ICA1: variants seen among roughly 807,000 people sequenced by gnomAD.
The protein encoded by ICA1 is 69 kDa islet cell autoantigen.
A neutral mutation model predicts 71.0 loss-of-function variants in ICA1; 40 were observed. That is an observed-to-expected ratio of 0.56 (90% CI 0.44 to 0.73). The LOEUF is 0.73. ICA1 is among the 30% of genes least tolerant of loss of function. The pLI is 0.00. For synonymous variants in ICA1, 207 were observed against 209.5 expected (o/e 0.99, Z 0.10); for missense variants, 578 against 576.5 (o/e 1.00, Z -0.03).
chr7:8,116,279 A>C (rs1448425163), intron 13 of ICA1: 1 of 152,232 alleles, frequency 6.6e-6, no homozygotes, highest in African/African-American at 2.4e-5. Flanking sequence ...TGTCTTTGGT[A>C]CTGGCCATGG....
chr7:8,153,963 T>C (rs557290816), intron 8 of ICA1, among the ~76,000 whole-genome samples: 135 of 151,654 alleles, frequency 8.9e-4, no homozygotes, highest in Non-Finnish European at 1.5e-3. Context: ...TTCTCTGCCT[T>C]AAACTTGAGC....
At chr7:8,118,996 A>C (rs11505356) in intron 13 of ICA1, among the ~76,000 whole-genome samples, 2,370 of 152,304 alleles carry the variant, frequency 0.016, 56 homozygotes, top group African/African-American at 0.052. Context: ...TGTAAGTAAA[A>C]GTTTGGGAAG....
chr7:8,204,516 G>A (rs1043380968), intron 6 of ICA1, among the ~76,000 whole-genome samples: 6 of 152,200 alleles, frequency 3.9e-5, no homozygotes, highest in African/African-American at 1.4e-4. Context: ...TCTGCATTAT[G>A]TACATATTTA....
rs1232297918 is a variant in ICA1, at chr7:8,141,773, C to T, written c.947G>A (p.Ser316Asn). ...EEENQRKESS[S>N]FKTEDGKSIL... is the part of the protein sequence containing the mutation. ...TAAAAATCAAAACTTACTCTTAAAA[C>T]TAGAGGATTCCTTGCGCTGGTTTTC... The change falls in exon 10 of 14, where the codon AGT becomes AAT. Residue 316 changes from serine to asparagine, a missense_variant. Coordinates refer to ENST00000402384, the MANE Select transcript of ICA1 (RefSeq NM_001136020.3). 2 of 1,559,698 alleles carry T rather than the reference C, an allele frequency of 1.3e-6. No homozygotes were observed. The highest frequency in any genetic ancestry group is 2.2e-5 in the East Asian group (1 of 44,462).
chr7:8,256,147 T>C (rs1810074509), intron 1 of ICA1, among the ~76,000 whole-genome samples: 1 of 152,218 alleles, frequency 6.6e-6, no homozygotes, highest in Non-Finnish European at 1.5e-5. Context: ...ATGCATCTTA[T>C]CTTTTCTATC....
At chr7:8,152,791 T>TCAC (rs1799764641) in intron 8 of ICA1, among the ~76,000 whole-genome samples, 1 of 23,328 alleles carries the variant, frequency 4.3e-5, no homozygotes, top group Admixed American at 4.8e-4. Context: ...ACCATCACCA[T>TCAC]CACCTCCACC....
chr7:8,170,484 T>C (rs549657343), intron 6 of ICA1, among the ~76,000 whole-genome samples: 2 of 152,014 alleles, frequency 1.3e-5, no homozygotes, highest in Admixed American at 6.6e-5. Context: ...TCTCCATTTA[T>C]TGGATTTTTA....
chr7:8,146,399 C>A (rs544904367), intron 8 of ICA1, among the ~76,000 whole-genome samples: 1 of 152,086 alleles, frequency 6.6e-6, no homozygotes, highest in South Asian at 2.1e-4. Flanking sequence ...CTGGAGCTGC[C>A]GTATAGTTGG....
Position 8,152,788 on chromosome 7 carries a change from CCATCACCTCCACCACCACCACCACCAT to C in ICA1, c.804+4301_804+4327del, listed in dbSNP as rs1328334433. On this transcript the variant is annotated intron_variant, in intron 8 of 13. Transcript: ENST00000402384. ...ACTACCCCCACCACTATCACCATCA[CCATCACCTCCACCACCACCACCACCAT>C]CTCCTTCAACACCACTACCCCCACC... 8.0e-5 allele frequency among the ~76,000 whole-genome samples: 7 copies of C among 87,548 alleles called. No homozygotes were observed. The East Asian group carries it at 1.3e-3, about 16-fold the overall frequency. 57.4% of individuals were successfully genotyped at this position (87,548 alleles called of 152,430 possible). A position where few individuals can be genotyped will look rare whatever the true frequency, so the allele number is the denominator to read the frequency against.
chr7:8,219,173 C>T (rs1796285623), intron 5 of ICA1, among the ~76,000 whole-genome samples: 1 of 152,114 alleles, frequency 6.6e-6, no homozygotes, highest in African/African-American at 2.4e-5. Flanking sequence ...ATAACATATG[C>T]CCTTTACCCA....
intron 1 of ICA1, among the ~76,000 whole-genome samples, chr7:8,243,838 T>G (rs1422592706): frequency 6.6e-6 from 1 of 152,010 alleles, no homozygotes; most frequent in Non-Finnish European, 1.5e-5. Context: ...GAGAATAAAA[T>G]ACCCAGGAAT....
intron 8 of ICA1, among the ~76,000 whole-genome samples, chr7:8,153,316 C>G (rs1367221157): frequency 6.6e-6 from 1 of 152,168 alleles, no homozygotes; most frequent in Non-Finnish European, 1.5e-5. Flanking sequence ...CTCTGATCTC[C>G]TTAAAAATAC....
At chr7:8,128,657 C>G (rs1790262520) in intron 12 of ICA1, among the ~76,000 whole-genome samples, 1 of 151,948 alleles carries the variant, frequency 6.6e-6, no homozygotes, top group African/African-American at 2.4e-5. Context: ...CAGAGCTCAA[C>G]AATGCCCAAG....
chr7:8,164,133 C>T (rs1396718601), intron 6 of ICA1, among the ~76,000 whole-genome samples: 3 of 151,502 alleles, frequency 2.0e-5, no homozygotes, highest in East Asian at 1.9e-4. Context: ...GGTGAAACCC[C>T]GTCTCTACTA....
At chr7:8,208,093 C>T (rs905663485) in intron 6 of ICA1, among the ~76,000 whole-genome samples, 7 of 152,118 alleles carry the variant, frequency 4.6e-5, no homozygotes, top group Non-Finnish European at 8.8e-5. Context: ...GACAAACTAA[C>T]ACAGAACACA....
At chr7:8,137,134 G>C (rs111636979) in intron 12 of ICA1, among the ~76,000 whole-genome samples, 7 of 151,912 alleles carry the variant, frequency 4.6e-5, no homozygotes, top group Non-Finnish European at 8.8e-5. Flanking sequence ...AGATACACTG[G>C]GGGATGGAAG....
At chr7:8,175,938 G>A (rs551893903) in intron 6 of ICA1, among the ~76,000 whole-genome samples, 3 of 152,256 alleles carry the variant, frequency 2.0e-5, no homozygotes, top group East Asian at 1.9e-4. Context: ...CTCCTGCCTC[G>A]TCAGTCTTTG....
At chr7:8,255,836 A>G (rs1276395321) in intron 1 of ICA1, among the ~76,000 whole-genome samples, 1 of 138,234 alleles carries the variant, frequency 7.2e-6, no homozygotes. Flanking sequence ...GTGCAGTGGC[A>G]CAATCATGAC....
At position 8,166,063 on chromosome 7, in the gene ICA1, G is replaced by A. The variant is rs150620879; in HGVS notation, c.580-7411C>T. ...CAAAAAAAGAGCCTAAATAGCCAAC[G>A]TAGTCCTAAGCAAAACGAACAAAGC... On this transcript the variant is annotated intron_variant, in intron 6 of 13. Transcript: ENST00000402384. 7.9e-3 allele frequency among the ~76,000 whole-genome samples: 1,205 copies of A among 152,182 alleles called. 17 individuals carry two copies. The highest frequency in any genetic ancestry group is 0.028 in the African/African-American group (1,150 of 41,516).
Sources: gnomAD v4.1 joint callset for allele counts (sites outside exome capture counted in the v4.1 genomes callset) on GRCh38, gnomAD v4.1.1 for gene constraint, MANE v1.5 for transcripts, NCBI Gene and HGNC (gene_info 2026-07-23, HGNC 2026-07-21) for gene names.